FGF2: variants seen among roughly 807,000 people sequenced by gnomAD.
FGF2 encodes basic fibroblast growth factor bFGF.
Under a neutral mutation model 15.9 loss-of-function variants are expected in FGF2, and 13 were observed. That is an observed-to-expected ratio of 0.82 (90% CI 0.53 to 1.30). The LOEUF is 1.30. Among genes scored for constraint, FGF2 ranks in the 50% most tolerant of loss-of-function variants. The pLI is 0.00. For missense variants in FGF2, 163 were observed against 196.9 expected (o/e 0.83, Z 1.03); for synonymous variants, 90 against 78.4 (o/e 1.15, Z -0.78).
At chr4:122,842,927 T>C (rs1237952119) in intron 1 of FGF2, among the ~76,000 whole-genome samples, 1 of 152,220 alleles carries the variant, frequency 6.6e-6, no homozygotes, top group Non-Finnish European at 1.5e-5. Flanking sequence ...TTACTTGGGA[T>C]CAAACACATT....
chr4:122,858,034 C>T (rs970545173), intron 1 of FGF2, among the ~76,000 whole-genome samples: 1 of 152,110 alleles, frequency 6.6e-6, no homozygotes, highest in African/African-American at 2.4e-5. Context: ...TAGCTCCCTT[C>T]CTTTCTTTCT....
At position 122,878,518 on chromosome 4, in the gene FGF2, T is replaced by C. The variant is rs73844950; in HGVS notation, c.282+2094T>C. Among the ~76,000 whole-genome samples the C allele has an allele frequency of 5.3e-3, 803 of 152,106 alleles. 7 individuals carry two copies. The highest frequency in any genetic ancestry group is 0.018 in the African/African-American group (737 of 41,484). ...GGGAAGGGAGAGAAGGCTGGGGAGG[T>C]AGATAGACTGTCTGCTGAATCTGTT... On this transcript the variant is annotated intron_variant, in intron 2 of 2. Transcript: ENST00000644866.
chr4:122,870,808 G>A (rs1402165286), intron 1 of FGF2, among the ~76,000 whole-genome samples: 1 of 151,026 alleles, frequency 6.6e-6, no homozygotes, highest in Non-Finnish European at 1.5e-5. Flanking sequence ...AGGGTTTTTC[G>A]TGTCTCTATC....
intron 1 of FGF2, among the ~76,000 whole-genome samples, chr4:122,836,807 A>G (rs1415588091): frequency 1.3e-5 from 2 of 152,244 alleles, no homozygotes; most frequent in Non-Finnish European, 2.9e-5. Context: ...AACACCTTTA[A>G]CATTATTCAA....
chr4:122,839,056 G>T (rs1472692067), intron 1 of FGF2, among the ~76,000 whole-genome samples: 1 of 152,124 alleles, frequency 6.6e-6, no homozygotes, highest in Admixed American at 6.5e-5. Flanking sequence ...CAGCCCGGGA[G>T]CAATAAGCTA....
At chr4:122,837,381 G>A (rs1021895074) in intron 1 of FGF2, among the ~76,000 whole-genome samples, 2 of 152,012 alleles carry the variant, frequency 1.3e-5, no homozygotes, top group Non-Finnish European at 1.5e-5. Flanking sequence ...AGATTAAAAC[G>A]GTCAAATAAT....
intron 1 of FGF2, among the ~76,000 whole-genome samples, chr4:122,847,649 CTAAT>C (rs1726143443): frequency 1.4e-5 from 2 of 144,576 alleles, no homozygotes; most frequent in African/African-American, 5.8e-5. Context: ...ATCTGTCTAT[CTAAT>C]CTATCTATCT....
chr4:122,845,333 A>G (rs1726087840), intron 1 of FGF2, among the ~76,000 whole-genome samples: 1 of 152,222 alleles, frequency 6.6e-6, no homozygotes, highest in Non-Finnish European at 1.5e-5. Context: ...GATTTTCAGA[A>G]TGGTAAATGA....
chr4:122,849,421 G>A (rs1417633685), intron 1 of FGF2, among the ~76,000 whole-genome samples: 2 of 151,944 alleles, frequency 1.3e-5, no homozygotes, highest in Admixed American at 6.6e-5. Context: ...TGGACACAGG[G>A]AAGGGAACAT....
chr4:122,855,094 C>T (rs1388854366), intron 1 of FGF2, among the ~76,000 whole-genome samples: 1 of 152,168 alleles, frequency 6.6e-6, no homozygotes, highest in Admixed American at 6.5e-5. Context: ...GCCAGGAACA[C>T]AAACAGCCCG....
intron 2 of FGF2, among the ~76,000 whole-genome samples, chr4:122,879,126 C>A (rs377283166): frequency 2.0e-5 from 3 of 152,302 alleles, no homozygotes; most frequent in African/African-American, 7.2e-5. Context: ...AAAACATTAA[C>A]TACTTGGGAC....
Position 122,869,458 on chromosome 4 carries a change from C to G in FGF2, c.179-6863C>G, listed in dbSNP as rs184290094. On this transcript the variant is annotated intron_variant, in intron 1 of 2. Coordinates refer to ENST00000644866, the MANE Select transcript of FGF2 (RefSeq NM_001361665.2). ...TCCATTTTCACGATAGTGATTCTTC[C>G]TATCCTTGAGGATGGAATATTTTTC... Among the ~76,000 whole-genome samples the G allele has an allele frequency of 1.7e-3, 254 of 152,322 alleles. 1 individual carries two copies. Among genetic ancestry groups the G allele is most frequent in the Non-Finnish European group, 2.9e-3 (200 of 68,020 alleles).
At chr4:122,867,199 A>G (rs1726618641) in intron 1 of FGF2, among the ~76,000 whole-genome samples, 1 of 152,234 alleles carries the variant, frequency 6.6e-6, no homozygotes, top group African/African-American at 2.4e-5. Context: ...AAAATGTTCT[A>G]TAATTGATTG....
chr4:122,832,307 A>C (rs1173373039), intron 1 of FGF2, among the ~76,000 whole-genome samples: 1 of 152,106 alleles, frequency 6.6e-6, no homozygotes, highest in Non-Finnish European at 1.5e-5. Context: ...CCTAGGCTGG[A>C]GTGCAGTGGC....
At chr4:122,845,922 G>A (rs999559059) in intron 1 of FGF2, among the ~76,000 whole-genome samples, 1 of 152,196 alleles carries the variant, frequency 6.6e-6, no homozygotes, top group Non-Finnish European at 1.5e-5. Flanking sequence ...TGTGGCAAGA[G>A]GCCTAGCTTT....
Position 122,826,902 on chromosome 4 carries a change from C to G in FGF2, c.-273C>G. The G allele has an allele frequency of 2.7e-6, 4 of 1,507,502 alleles. No individual in the cohort carries two copies. The highest frequency in any genetic ancestry group is 2.7e-6 in the Non-Finnish European group (3 of 1,130,000). The allele number at this position is 1,507,502 out of a possible 1,614,324, so 93.4% of individuals were successfully genotyped here. On this transcript the variant is annotated 5_prime_UTR_variant, in exon 1 of 3. Coordinates refer to ENST00000644866, the MANE Select transcript of FGF2 (RefSeq NM_001361665.2). ...CGCTGCAGCTTGGGAGGCGGCTCTC[C>G]CCAGGCGGCGTCCGCGGAGACACCC...
At chr4:122,869,987 ATTATT>A (rs1726696488) in intron 1 of FGF2, among the ~76,000 whole-genome samples, 1 of 152,136 alleles carries the variant, frequency 6.6e-6, no homozygotes, top group Non-Finnish European at 1.5e-5. Flanking sequence ...AATAGCTCTT[ATTATT>A]TTGAGATATG....
chr4:122,840,642 A>G, intron 1 of FGF2: 1 of 192,616 alleles, frequency 5.2e-6, no homozygotes, highest in Non-Finnish European at 1.1e-5. Flanking sequence ...CCCGATCCCG[A>G]TTTAGACCTG....
intron 1 of FGF2, among the ~76,000 whole-genome samples, chr4:122,858,398 T>G (rs1326220923): frequency 6.6e-6 from 1 of 152,082 alleles, no homozygotes; most frequent in Non-Finnish European, 1.5e-5. Flanking sequence ...TTTTTCCTTT[T>G]ACTTTGTTTT....
Sources: allele counts gnomAD v4.1 joint callset (sites outside exome capture counted in the v4.1 genomes callset), GRCh38; gene constraint gnomAD v4.1.1; transcripts MANE v1.5; gene names NCBI Gene and HGNC (gene_info 2026-07-23, HGNC 2026-07-21).